The following CTNND2 variants were observed in gnomAD, a reference collection of about 807,000 sequenced individuals.
CTNND2 encodes the protein catenin delta 2, also known as catenin delta-2.
In CTNND2, 22 loss-of-function variants were observed where a neutral mutation model predicts 144.4. That is an observed-to-expected ratio of 0.15 (90% CI 0.11 to 0.22). The LOEUF is 0.22. Ranked by LOEUF, CTNND2 falls within the 10% of genes least tolerant of loss-of-function variation. The pLI, the probability that CTNND2 is intolerant of heterozygous loss-of-function variation, is 1.00. For missense variants in CTNND2, 1,353 were observed against 1,618.8 expected (o/e 0.84, Z 2.82); for synonymous variants, 751 against 695.6 (o/e 1.08, Z -1.25).
intron 2 of CTNND2, among the ~76,000 whole-genome samples, chr5:11,612,467 G>A (rs1780378761): frequency 6.6e-6 from 1 of 152,168 alleles, no homozygotes; most frequent in African/African-American, 2.4e-5. Flanking sequence ...TCTTAGCTAT[G>A]TACCTTCTTC....
At position 11,903,833 on chromosome 5, in the gene CTNND2, C is replaced by A; in HGVS notation, c.21G>T (p.Pro7=). MFARKP[P]GAAPLGAMPV... is the part of the protein sequence containing the mutation. ...GCAACTCACCCAAAGGCGCGGCGCC[C>A]GGCGGCTTCCTCGCAAACATGCACC... Residue 7 remains proline (P), a synonymous_variant, in exon 1 of 22, where the codon CCG becomes CCT. Coordinates refer to ENST00000304623, the MANE Select transcript of CTNND2 (RefSeq NM_001332.4). This position sits in a 1 kb window ranked among gnomAD's most constrained non-coding sequence, Gnocchi z 5.4. 6.7e-7 allele frequency: 1 copy of A among 1,482,410 alleles called. No homozygotes were observed. Among genetic ancestry groups the A allele is most frequent in the Non-Finnish European group, 8.9e-7 (1 of 1,122,796 alleles). 91.8% of individuals were successfully genotyped at this position (1,482,410 alleles called of 1,614,324 possible).
At chr5:11,830,293 G>A (rs1470541301) in intron 1 of CTNND2, among the ~76,000 whole-genome samples, 1 of 152,164 alleles carries the variant, frequency 6.6e-6, no homozygotes, top group African/African-American at 2.4e-5. Flanking sequence ...CATGAGATTT[G>A]GGAGGGGCCA....
rs192770046 is a variant in CTNND2 at position 11,042,097 on chromosome 5, T to A, written c.2789-19118A>T. On this transcript the variant is annotated intron_variant, in intron 16 of 21. Transcript: ENST00000304623. ...AGTCTTGGGCATGGCATCCATTCCA[T>A]TTCCAGAGAAGTGGGGGTCTGAGGA... Among the ~76,000 whole-genome samples, 154 of 152,298 alleles carry A rather than the reference T, an allele frequency of 1.0e-3. 1 individual carries two copies. The highest frequency in any genetic ancestry group is 3.6e-3 in the African/African-American group (150 of 41,566).
chr5:11,482,106 G>A (rs1212056102), intron 3 of CTNND2, among the ~76,000 whole-genome samples: 3 of 152,000 alleles, frequency 2.0e-5, no homozygotes, highest in Non-Finnish European at 2.9e-5. Flanking sequence ...CATTGAAGTC[G>A]GACTCATATG....
chr5:11,871,130 C>A (rs896058592), intron 1 of CTNND2, among the ~76,000 whole-genome samples: 3 of 152,170 alleles, frequency 2.0e-5, no homozygotes, highest in African/African-American at 2.4e-5. Context: ...AGTCAGCTAA[C>A]CCCTGCTCAG....
intron 8 of CTNND2, among the ~76,000 whole-genome samples, chr5:11,361,733 C>T (rs947885103): frequency 2.0e-5 from 3 of 152,220 alleles, no homozygotes; most frequent in Admixed American, 2.0e-4. Context: ...ATCTTTCCTC[C>T]AGCCCTTTAT....
intron 3 of CTNND2, among the ~76,000 whole-genome samples, chr5:11,495,053 G>T (rs532184799): frequency 3.2e-4 from 49 of 152,158 alleles, no homozygotes; most frequent in African/African-American, 1.1e-3. Flanking sequence ...CCTTCCTAAG[G>T]AATCAATTTG....
At chr5:11,200,738 G>T (rs1169671161) in intron 10 of CTNND2, among the ~76,000 whole-genome samples, 1 of 152,204 alleles carries the variant, frequency 6.6e-6, no homozygotes, top group East Asian at 1.9e-4. Context: ...GAGTGCAGTG[G>T]CGCCATCTCG....
chr5:11,690,652 C>A (rs549132729), intron 2 of CTNND2, among the ~76,000 whole-genome samples: 1 of 141,760 alleles, frequency 7.1e-6, no homozygotes, highest in Non-Finnish European at 1.5e-5. Flanking sequence ...AGGAGAATGG[C>A]GTGAACCCGG....
At chr5:11,633,206 C>T (rs76640342) in intron 2 of CTNND2, among the ~76,000 whole-genome samples, 30 of 152,128 alleles carry the variant, frequency 2.0e-4, no homozygotes, top group Non-Finnish European at 2.8e-4. Context: ...AGAGTTAACA[C>T]GTTGAAAGTG....
chr5:11,392,234 T>C (rs1191169577), intron 6 of CTNND2, among the ~76,000 whole-genome samples: 8 of 152,302 alleles, frequency 5.3e-5, no homozygotes, highest in African/African-American at 1.9e-4. Context: ...TCCTACCCTT[T>C]TACCTCCCTT....
chr5:11,187,760 A>G (rs1364098532), intron 11 of CTNND2, among the ~76,000 whole-genome samples: 1 of 152,172 alleles, frequency 6.6e-6, no homozygotes, highest in Non-Finnish European at 1.5e-5. Context: ...CATTTATAAG[A>G]AAAAAACCAA....
Position 11,098,710 on chromosome 5 carries a change from T to C in CTNND2, c.2502A>G (p.Pro834=). ...GVGPLPDCAE[P]PKGIQMLWHP... The stretch of plus-strand genomic sequence containing the variant: ...GCCACAGCATCTGGATCCCTTTTGG[T>C]GGTTCAGCACAGTCTGGAAGAGGTC... Residue 834 remains proline (P), a synonymous_variant, in exon 15 of 22, where the codon CCA becomes CCG. Coordinates refer to ENST00000304623, the MANE Select transcript of CTNND2 (RefSeq NM_001332.4). 6.2e-7 allele frequency: 1 copy of C among 1,614,118 alleles called. No homozygotes were observed. Among genetic ancestry groups the C allele is most frequent in the African/African-American group, 1.3e-5 (1 of 75,036 alleles).
intron 2 of CTNND2, among the ~76,000 whole-genome samples, chr5:11,623,723 A>G (rs976889241): frequency 2.0e-5 from 3 of 149,458 alleles, no homozygotes; most frequent in African/African-American, 7.4e-5. Context: ...ACATAGATCC[A>G]AAAAATACAA....
At chr5:11,536,310 T>C (rs749141375) in intron 3 of CTNND2, among the ~76,000 whole-genome samples, 12 of 152,112 alleles carry the variant, frequency 7.9e-5, no homozygotes, top group Non-Finnish European at 1.3e-4. Context: ...GCAATCCTCC[T>C]ACCTAGGCCT....
intron 3 of CTNND2, among the ~76,000 whole-genome samples, chr5:11,494,442 A>G (rs532144277): frequency 1.3e-5 from 2 of 152,308 alleles, no homozygotes; most frequent in South Asian, 4.1e-4. Context: ...ATATGGCTCA[A>G]GTACCAAACG....
intron 9 of CTNND2, among the ~76,000 whole-genome samples, chr5:11,250,456 G>T (rs28476578): frequency 0.012 from 862 of 73,218 alleles, 44 homozygotes; most frequent in Admixed American, 0.069. Context: ...TTTAAAGGGT[G>T]CTCTCTCTCT....
intron 3 of CTNND2, among the ~76,000 whole-genome samples, chr5:11,560,693 A>G (rs1221037789): frequency 6.6e-6 from 1 of 152,228 alleles, no homozygotes; most frequent in African/African-American, 2.4e-5. Flanking sequence ...GTCTGTGCTG[A>G]TCGAGAAGAC....
At chr5:11,426,601 T>C (rs184822131) in intron 3 of CTNND2, among the ~76,000 whole-genome samples, 1 of 152,180 alleles carries the variant, frequency 6.6e-6, no homozygotes, top group South Asian at 2.1e-4. Flanking sequence ...TCATGATGTG[T>C]TGTGGGAGTT....
Sources: gnomAD v4.1 joint callset for allele counts (sites outside exome capture counted in the v4.1 genomes callset) on GRCh38, gnomAD v4.1.1 for gene constraint, Gnocchi (gnomAD v3.1) non-coding constraint, MANE v1.5 for transcripts, NCBI Gene and HGNC (gene_info 2026-07-23, HGNC 2026-07-21) for gene names.